Variants in ZNF737 observed in about 807,000 individuals in gnomAD.
ZNF737 encodes the protein zinc finger protein 737.
In ZNF737, 13 loss-of-function variants were observed where a neutral mutation model predicts 11.7. The observed-to-expected ratio is 1.11, with a 90% CI of 0.73 to 1.77. ZNF737 has a LOEUF of 1.77. Among genes scored for constraint, ZNF737 ranks in the 40% most tolerant of loss-of-function variants. The pLI, the probability that ZNF737 is intolerant of heterozygous loss-of-function variation, is 0.00. For missense variants in ZNF737, 636 were observed against 638.0 expected (o/e 1.00, Z 0.03); for synonymous variants, 217 against 216.2 (o/e 1.00, Z -0.03).
downstream of ZNF737, chr19:20,536,100 A>G (rs1967955050): frequency 1.0e-6 from 1 of 985,216 alleles, no homozygotes; most frequent in Non-Finnish European, 1.2e-6. Context: ...GATACAGATG[A>G]GAGTAGCAGT....
chr19:20,537,982 T>A (rs1033463519), downstream of ZNF737: 4 of 880,000 alleles, frequency 4.5e-6, no homozygotes, highest in African/African-American at 5.4e-5. Flanking sequence ...AAAGCTTTTC[T>A]GAGGCAGAGT....
Position 20,541,960 on chromosome 19 carries a change from A to G in ZNF737, c.*2632T>C. On this transcript the variant is annotated 3_prime_UTR_variant, in exon 4 of 4. Transcript: ENST00000427401. ...GCATAAATATATACACATATTATAT[A>G]CCCACGAATACAAATAAAAAATTTA... 1 of 922,322 alleles carries G rather than the reference A, an allele frequency of 1.1e-6. No individual in the cohort carries two copies. Among genetic ancestry groups the G allele is most frequent in the Non-Finnish European group, 1.3e-6 (1 of 772,840 alleles). 57.1% of individuals were successfully genotyped at this position (922,322 alleles called of 1,614,324 possible).
downstream of ZNF737, chr19:20,535,792 G>A (rs968315326): frequency 1.3e-5 from 2 of 150,392 alleles, no homozygotes; most frequent in African/African-American, 2.5e-5. Context: ...CCCTCCAAGT[G>A]TTGGGATTAC....
chr19:20,532,147 A>T (rs1445453149), downstream of ZNF737, among the ~76,000 whole-genome samples: 1 of 150,008 alleles, frequency 6.7e-6, no homozygotes, highest in Non-Finnish European at 1.5e-5. Flanking sequence ...CATTCTGTGC[A>T]TGTTGTGTTC....
chr19:20,565,008 C>T (rs1969243124), intron 1 of ZNF737, among the ~76,000 whole-genome samples: 1 of 149,640 alleles, frequency 6.7e-6, no homozygotes, highest in African/African-American at 2.5e-5. Context: ...GATCTCAGCT[C>T]ACTGCAACAT....
rs150254011 is a variant in ZNF737 at position 20,561,333 on chromosome 19, G to A, written c.3+4305C>T. 5.6e-3 allele frequency among the ~76,000 whole-genome samples: 855 copies of A among 152,278 alleles called. 9 individuals carry two copies. Among genetic ancestry groups the A allele is most frequent in the African/African-American group, 0.02 (827 of 41,544 alleles). On this transcript the variant is annotated intron_variant, in intron 1 of 3. Transcript: ENST00000427401. ...AAGAAACACTAGGATCAAAAACGCCGTGGTGAAGGTCCTGAGGGTGGTGCC... is the reference window on the plus strand; with the variant it reads ...AAGAAACACTAGGATCAAAAACGCCATGGTGAAGGTCCTGAGGGTGGTGCC...
intron 1 of ZNF737, among the ~76,000 whole-genome samples, chr19:20,555,189 TTTC>T (rs1968842191): frequency 2.9e-5 from 4 of 136,064 alleles, no homozygotes; most frequent in East Asian, 2.1e-4. Flanking sequence ...TTTCTTTTCT[TTTC>T]TTTTTTTTGA....
Position 20,541,819 on chromosome 19 carries a change from G to T in ZNF737, c.*2773C>A, listed in dbSNP as rs1336714311. On this transcript the variant is annotated 3_prime_UTR_variant, in exon 4 of 4. Transcript: ENST00000427401. The stretch of plus-strand genomic sequence containing the variant: ...ATTGTACATTTTAAAATGAATAAAA[G>T]CATATAATTACACTATTGGTAATAC... The T allele has an allele frequency of 6.2e-6, 1 of 161,016 alleles. No individual in the cohort carries two copies. The highest frequency in any genetic ancestry group is 1.3e-5 in the Non-Finnish European group (1 of 76,074). 10.0% of individuals were successfully genotyped at this position (161,016 alleles called of 1,614,324 possible). A position where few individuals can be genotyped will look rare whatever the true frequency, so the allele number is the denominator to read the frequency against.
intron 3 of ZNF737, among the ~76,000 whole-genome samples, chr19:20,549,481 A>T (rs540015743): frequency 2.0e-5 from 3 of 152,228 alleles, no homozygotes; most frequent in African/African-American, 7.2e-5. Flanking sequence ...TACAAAAATT[A>T]GCTGAGCATG....
At chr19:20,531,552 G>T (rs1276545023), downstream of ZNF737, among the ~76,000 whole-genome samples, 4 of 149,428 alleles carry the variant, frequency 2.7e-5, 1 homozygote, top group African/African-American at 9.9e-5. Context: ...GGCCTCCCAG[G>T]TTCAACAATT....
chr19:20,559,576 C>T (rs1820810), intron 1 of ZNF737, among the ~76,000 whole-genome samples: 75,517 of 151,820 alleles, frequency 0.5, 19,267 homozygotes, highest in Middle Eastern at 0.57. Context: ...TGGCTATTTT[C>T]AAAAAGTCAA....
chr19:20,537,511 A>ATTTTTTTTTTTT (rs1163609628), downstream of ZNF737, among the ~76,000 whole-genome samples: 6 of 77,090 alleles, frequency 7.8e-5, 1 homozygote, highest in African/African-American at 2.9e-4. Context: ...CTGGTTTTCT[A>ATTTTTTTTTTTT]TTTTTTTTTT....
Position 20,544,529 on chromosome 19 carries a change from T to G in ZNF737, c.*63A>C, listed in dbSNP as rs75874234. The G allele has an allele frequency of 1.7e-5, 26 of 1,541,862 alleles. No homozygotes were observed. The African/African-American group carries it at 3.0e-4, about 18-fold the overall frequency. On this transcript the variant is annotated 3_prime_UTR_variant, in exon 4 of 4. Transcript: ENST00000427401. Reference sequence around the variant, plus strand: ...ACACTTGTACAGTTTCCCTCCAATATGAATTTTCTTATGTGAAAAAAGCAT... The same window carrying G: ...ACACTTGTACAGTTTCCCTCCAATAGGAATTTTCTTATGTGAAAAAAGCAT...
At chr19:20,562,340 ATTTTTTT>A (rs56851244) in intron 1 of ZNF737, among the ~76,000 whole-genome samples, 10 of 123,772 alleles carry the variant, frequency 8.1e-5, no homozygotes, top group African/African-American at 2.4e-4. Flanking sequence ...CACCTGGCTA[ATTTTTTT>A]TTTTTTTTTT....
At chr19:20,530,792 C>T in the ZNF737 span, among the ~76,000 whole-genome samples, 1 of 147,482 alleles carries the variant, frequency 6.8e-6, no homozygotes, top group Admixed American at 6.7e-5. Context: ...GATGGGCGGC[C>T]AGGCAGAGAT....
At chr19:20,564,556 A>C (rs1284214767) in intron 1 of ZNF737, among the ~76,000 whole-genome samples, 2 of 151,998 alleles carry the variant, frequency 1.3e-5, no homozygotes, top group Non-Finnish European at 2.9e-5. Context: ...CAGAGGCTGA[A>C]GCAGAAGAAT....
chr19:20,548,972 A>AAAC (rs1454379803), intron 3 of ZNF737, among the ~76,000 whole-genome samples: 1 of 118,354 alleles, frequency 8.4e-6, no homozygotes, highest in African/African-American at 3.2e-5. Flanking sequence ...GAAAAAAAAA[A>AAAC]AAAAAAAACA....
At position 20,539,257 on chromosome 19, in the gene ZNF737, T is replaced by C. The variant is rs73010517; in HGVS notation, c.*5335A>G. 51,581 of 932,060 alleles carry C rather than the reference T, an allele frequency of 0.055. 1,576 individuals are homozygous for C. Among genetic ancestry groups the C allele is most frequent in the Middle Eastern group, 0.13 (242 of 1,824 alleles). 57.7% of individuals were successfully genotyped at this position (932,060 alleles called of 1,614,324 possible). On this transcript the variant is annotated 3_prime_UTR_variant, in exon 4 of 4. Coordinates refer to ENST00000427401, the MANE Select transcript of ZNF737 (RefSeq NM_001159293.2). ...GTGAGCTGAGCACGTACCATTGCAG[T>C]GCAGCGTGAGTGACAGAGTGAGAAT...
At position 20,542,234 on chromosome 19, in the gene ZNF737, T is replaced by A; in HGVS notation, c.*2358A>T. 2 of 443,812 alleles carry A rather than the reference T, an allele frequency of 4.5e-6. No homozygotes were observed. Among genetic ancestry groups the A allele is most frequent in the Non-Finnish European group, 5.6e-6 (2 of 358,206 alleles). The allele number at this position is 443,812 out of a possible 1,614,324, so 27.5% of individuals were successfully genotyped here. ...TAAGTTCACAAATAATCTAACAAAC[T>A]TTTTTTTTTTTGAGACAGAGTTTTG... On this transcript the variant is annotated 3_prime_UTR_variant, in exon 4 of 4. Coordinates refer to ENST00000427401, the MANE Select transcript of ZNF737 (RefSeq NM_001159293.2).
Sources: gnomAD v4.1 joint callset for allele counts (sites outside exome capture counted in the v4.1 genomes callset) on GRCh38, gnomAD v4.1.1 for gene constraint, MANE v1.5 for transcripts, NCBI Gene and HGNC (gene_info 2026-07-23, HGNC 2026-07-21) for gene names.